The following AMOTL1 variants were observed in gnomAD, a reference collection of about 807,000 sequenced individuals.
The protein encoded by AMOTL1 is angiomotin like 1.
A neutral mutation model predicts 102.9 loss-of-function variants in AMOTL1; 45 were observed. The ratio of observed to expected loss-of-function variants is 0.44; its 90% CI spans 0.34 to 0.56. AMOTL1 has a LOEUF of 0.56. Among genes scored for constraint, AMOTL1 ranks in the 20% least tolerant of loss-of-function variants. The pLI is 0.01. For missense variants in AMOTL1, 1,114 were observed against 1,225.6 expected, an observed-to-expected ratio of 0.91 and a Z score of 1.36; for synonymous variants, 481 against 484.7, an observed-to-expected ratio of 0.99 and a Z score of 0.10.
At position 94,834,608 on chromosome 11, in the gene AMOTL1, G is replaced by T. The variant is rs191114844; in HGVS notation, c.1648+3067G>T. On this transcript the variant is annotated intron_variant, in intron 6 of 12. Coordinates refer to ENST00000433060, the MANE Select transcript of AMOTL1 (RefSeq NM_130847.3). ...CTCCGTCTCAAAAAAAAAAAGTTAT[G>T]TCTTGGAGTAATACATACCAAGAAG... is the stretch of plus-strand genomic sequence containing the variant. Among the ~76,000 whole-genome samples the T allele has an allele frequency of 1.1e-4, 17 of 152,210 alleles. No homozygotes were observed. In the East Asian group the frequency reaches 2.7e-3, roughly 24 times the overall value.
intron 1 of AMOTL1, among the ~76,000 whole-genome samples, chr11:94,770,514 A>G (rs1445587443): frequency 6.6e-6 from 1 of 152,086 alleles, no homozygotes; most frequent in Non-Finnish European, 1.5e-5. Context: ...TTTTTCTGTG[A>G]TGCATTTTTC....
intron 3 of AMOTL1, among the ~76,000 whole-genome samples, chr11:94,818,792 C>T (rs1951810922): frequency 6.6e-6 from 1 of 152,144 alleles, no homozygotes; most frequent in Non-Finnish European, 1.5e-5. Flanking sequence ...TATTTTCCCT[C>T]CATTTTTTTC....
rs192455072 is a variant in AMOTL1, at chr11:94,792,853, G to C, written c.50-2158G>C. 3.0e-3 allele frequency among the ~76,000 whole-genome samples: 459 copies of C among 152,256 alleles called. 4 individuals carry two copies. The highest frequency in any genetic ancestry group is 0.01 in the African/African-American group (429 of 41,538). On this transcript the variant is annotated intron_variant, in intron 1 of 12. Coordinates refer to ENST00000433060, the MANE Select transcript of AMOTL1 (RefSeq NM_130847.3). Reference sequence around the variant, plus strand: ...ATATCTTTGGTGTCCTCTGTGCTCCGGCCCTGCTTCAAGGATTGCCCTCTT... The same window carrying C: ...ATATCTTTGGTGTCCTCTGTGCTCCCGCCCTGCTTCAAGGATTGCCCTCTT...
rs992445385 is a variant in AMOTL1, at chr11:94,870,965, G to T, written c.*170G>T. ...TAAATGTTAAACACAAAAACTACAT[G>T]ACTGAAGATAGAAGAGAATGCGATG... is the stretch of plus-strand genomic sequence containing the variant. On this transcript the variant is annotated 3_prime_UTR_variant, in exon 13 of 13. Transcript: ENST00000433060. The T allele has an allele frequency of 3.8e-6, 2 of 528,520 alleles. No individual in the cohort carries two copies. The highest frequency in any genetic ancestry group is 3.8e-5 in the African/African-American group (2 of 53,218). 32.7% of individuals were successfully genotyped at this position (528,520 alleles called of 1,614,324 possible). A position where few individuals can be genotyped will look rare whatever the true frequency, so the allele number is the denominator to read the frequency against.
At chr11:94,780,611 C>T (rs931765520) in intron 1 of AMOTL1, among the ~76,000 whole-genome samples, 4 of 152,152 alleles carry the variant, frequency 2.6e-5, no homozygotes, top group South Asian at 2.1e-4. Flanking sequence ...GTGAACTTTA[C>T]GGGGGTGATT....
chr11:94,799,505 A>G lies in AMOTL1; in HGVS notation c.315A>G (p.Glu105=). 1 of 1,613,284 alleles carries G rather than the reference A, an allele frequency of 6.2e-7. No homozygotes were observed. The highest frequency in any genetic ancestry group is 2.2e-5 in the East Asian group (1 of 44,872). ...AGTVLQRLIQ[E]QLRYGTPTEN... is the part of the protein sequence containing the mutation. The stretch of plus-strand genomic sequence containing the variant: ...CAGTATTGCAGCGGCTGATCCAGGA[A>G]CAACTGCGGTATGGCACCCCAACCG... The change falls in exon 3 of 13, where the codon GAA becomes GAG. Residue 105 remains glutamate, a synonymous_variant. Coordinates refer to ENST00000433060, the MANE Select transcript of AMOTL1 (RefSeq NM_130847.3). The surrounding 1 kb of genome is among the most constrained non-coding windows in gnomAD (Gnocchi z 4.5).
At chr11:94,814,100 G>T (rs1951726881) in intron 3 of AMOTL1, among the ~76,000 whole-genome samples, 2 of 152,160 alleles carry the variant, frequency 1.3e-5, no homozygotes, top group South Asian at 4.1e-4. Context: ...TCTGGGATTT[G>T]GAAGTCACTT....
At chr11:94,751,761 T>C (rs1950657760) in intron 3 of AMOTL1, among the ~76,000 whole-genome samples, 2 of 146,176 alleles carry the variant, frequency 1.4e-5, no homozygotes, top group South Asian at 4.3e-4. Context: ...ATATATATGC[T>C]CACATGCATT....
At chr11:94,709,172 T>C (rs1292229577) in intron 1 of AMOTL1, among the ~76,000 whole-genome samples, 2 of 152,174 alleles carry the variant, frequency 1.3e-5, no homozygotes, top group African/African-American at 2.4e-5. Context: ...ATGCTAATTC[T>C]CCACCTCTTA....
At chr11:94,778,549 C>CA (rs1313436121) in intron 1 of AMOTL1, among the ~76,000 whole-genome samples, 4 of 152,158 alleles carry the variant, frequency 2.6e-5, no homozygotes, top group Non-Finnish European at 5.9e-5. Flanking sequence ...ACACCTACCT[C>CA]AAAAAATTGT....
At chr11:94,763,845 C>T (rs1352685161), upstream of AMOTL1, among the ~76,000 whole-genome samples, 3 of 152,056 alleles carry the variant, frequency 2.0e-5, no homozygotes, top group African/African-American at 7.2e-5. Flanking sequence ...GTAAGTTGAC[C>T]TGCACTGTTC....
At chr11:94,817,213 T>C (rs2135615906) in intron 3 of AMOTL1, among the ~76,000 whole-genome samples, 1 of 152,116 alleles carries the variant, frequency 6.6e-6, no homozygotes, top group Non-Finnish European at 1.5e-5. Context: ...TAAAGGTTTA[T>C]GCTTTTTTTT....
At position 94,768,360 on chromosome 11, in the gene AMOTL1, C is replaced by T. The variant is rs997832973; in HGVS notation, c.-152C>T. The T allele has an allele frequency of 3.6e-6, 5 of 1,381,768 alleles. No homozygotes were observed. The African/African-American group carries it at 4.5e-5, about 12-fold the overall frequency. 85.6% of individuals were successfully genotyped at this position (1,381,768 alleles called of 1,614,324 possible). A position where few individuals can be genotyped will look rare whatever the true frequency, so the allele number is the denominator to read the frequency against. ...GGGAGCGCGGACGGCGGCGGGAGCG[C>T]GCGAGAAGCTCTAGGACCCAGCAGC... On this transcript the variant is annotated 5_prime_UTR_variant, in exon 1 of 13. Transcript: ENST00000433060.
At chr11:94,745,672 C>G (rs1263982871) in intron 3 of AMOTL1, among the ~76,000 whole-genome samples, 2 of 152,074 alleles carry the variant, frequency 1.3e-5, no homozygotes, top group Non-Finnish European at 2.9e-5. Flanking sequence ...TCAACTGGGA[C>G]CTTGCGTGGA....
intron 3 of AMOTL1, among the ~76,000 whole-genome samples, chr11:94,749,691 G>A (rs796120298): frequency 3.3e-4 from 51 of 152,264 alleles, no homozygotes; most frequent in African/African-American, 1.2e-3. Context: ...TTCCTGATAG[G>A]ACGCTGACTG....
At chr11:94,713,410 C>T (rs1159435004) in intron 1 of AMOTL1, among the ~76,000 whole-genome samples, 1 of 151,936 alleles carries the variant, frequency 6.6e-6, no homozygotes, top group Admixed American at 6.6e-5. Flanking sequence ...TCTCTATCTA[C>T]AGAACCTTGC....
chr11:94,752,396 T>TA (rs999318925), intron 3 of AMOTL1, among the ~76,000 whole-genome samples: 4 of 152,092 alleles, frequency 2.6e-5, no homozygotes, highest in South Asian at 2.1e-4. Context: ...TAAAAGGGGA[T>TA]AAAAAAAGAA....
At chr11:94,777,796 A>T (rs1397028167) in intron 1 of AMOTL1, among the ~76,000 whole-genome samples, 3 of 152,208 alleles carry the variant, frequency 2.0e-5, no homozygotes, top group African/African-American at 7.2e-5. Flanking sequence ...ATTAGGCAGA[A>T]ATTTGGATAC....
chr11:94,725,183 G>T (rs994059845), intron 1 of AMOTL1, among the ~76,000 whole-genome samples: 7 of 152,216 alleles, frequency 4.6e-5, no homozygotes, highest in African/African-American at 1.7e-4. Context: ...AGTATGAGTG[G>T]CAGGGACTCC....
Sources: gnomAD v4.1 joint callset for allele counts (sites outside exome capture counted in the v4.1 genomes callset) on GRCh38, gnomAD v4.1.1 for gene constraint, Gnocchi (gnomAD v3.1) non-coding constraint, MANE v1.5 for transcripts, NCBI Gene and HGNC (gene_info 2026-07-23, HGNC 2026-07-21) for gene names.